The following CHMP5 variants were observed in gnomAD, a reference collection of about 807,000 sequenced individuals.
CHMP5 encodes SNF7 domain containing 2.
Under a neutral mutation model 33.0 loss-of-function variants are expected in CHMP5, and 17 were observed. That is an observed-to-expected ratio of 0.52 (90% CI 0.35 to 0.77). The LOEUF (loss-of-function observed/expected upper bound fraction) is 0.77, where lower values mean the gene tolerates loss of function less well. Among genes scored for constraint, CHMP5 ranks in the 30% least tolerant of loss-of-function variants. CHMP5 has a pLI of 0.01. For missense variants in CHMP5, 216 were observed against 261.5 expected, an observed-to-expected ratio of 0.83 and a Z score of 1.20; for synonymous variants, 76 against 90.2, an observed-to-expected ratio of 0.84 and a Z score of 0.89.
chr9:33,277,190 C>CAAAAA (rs59657807), intron 6 of CHMP5, among the ~76,000 whole-genome samples: 132 of 52,712 alleles, frequency 2.5e-3, no homozygotes, highest in East Asian at 4.2e-3. Flanking sequence ...GACCTTCTCT[C>CAAAAA]AAAAAAAAAA....
intron 5 of CHMP5, among the ~76,000 whole-genome samples, chr9:33,271,581 A>G (rs1820795199): frequency 6.6e-6 from 1 of 152,206 alleles, no homozygotes; most frequent in African/African-American, 2.4e-5. Context: ...GATACTCAAC[A>G]CTTTATTATG....
chr9:33,275,266 C>G (rs1820839364), intron 5 of CHMP5, among the ~76,000 whole-genome samples: 1 of 152,172 alleles, frequency 6.6e-6, no homozygotes, highest in African/African-American at 2.4e-5. Context: ...AGACAGACAT[C>G]CTGGAACCAA....
Position 33,278,174 on chromosome 9 carries a change from A to G in CHMP5, c.558A>G (p.Ala186=), listed in dbSNP as rs1820877566. 1.9e-6 allele frequency: 3 copies of G among 1,613,478 alleles called. No individual in the cohort carries two copies. The highest frequency in any genetic ancestry group is 1.1e-5 in the South Asian group (1 of 90,940). The change falls in exon 7 of 8, where the codon GCA becomes GCG. Residue 186 remains alanine (A), a synonymous_variant. Coordinates refer to ENST00000223500, the MANE Select transcript of CHMP5 (RefSeq NM_016410.6). ...AAGACAGTTCTTATTTGGATGAGGCAGCATCTGCACCTGCAATTCCAGAAG... is the reference window on the plus strand; with the variant it reads ...AAGACAGTTCTTATTTGGATGAGGCGGCATCTGCACCTGCAATTCCAGAAG... The part of the protein sequence containing the change: ...ADEDSSYLDE[A]ASAPAIPEGV...
chr9:33,268,631 A>G (rs1820756732), intron 3 of CHMP5, among the ~76,000 whole-genome samples: 1 of 152,238 alleles, frequency 6.6e-6, no homozygotes, highest in Admixed American at 6.5e-5. Context: ...AGAAATTGTA[A>G]TGCCTAGACT....
At chr9:33,267,789 G>A in intron 2 of CHMP5, 64 bp from the exon 3 acceptor site, 1 of 1,093,412 alleles carries the variant, frequency 9.1e-7, no homozygotes, top group Non-Finnish European at 1.4e-6. Flanking sequence ...GAGGCTATGG[G>A]AAATTTCTTT....
chr9:33,267,937 A>G, intron 3 of CHMP5, 38 bp downstream of exon 3: 1 of 1,429,980 alleles, frequency 7.0e-7, no homozygotes, highest in Non-Finnish European at 9.9e-7. Context: ...TAGCAGGTTT[A>G]ACTAAAAGAG....
intron 5 of CHMP5, among the ~76,000 whole-genome samples, chr9:33,272,647 A>G (rs1159554453): frequency 6.6e-6 from 1 of 152,036 alleles, no homozygotes; most frequent in African/African-American, 2.4e-5. Context: ...TACCAAAAAT[A>G]CAAAAAATTA....
intron 6 of CHMP5, among the ~76,000 whole-genome samples, chr9:33,277,463 C>T (rs1564088055): frequency 6.6e-6 from 1 of 151,992 alleles, no homozygotes; most frequent in Non-Finnish European, 1.5e-5. Context: ...GGCATGGGAC[C>T]TGAAGGGTGA....
Position 33,270,735 on chromosome 9 carries a change from T to G in CHMP5, c.315+19T>G. On this transcript the variant is annotated intron_variant, in intron 4 of 7. Transcript: ENST00000223500. ...GACCACGGTACTCCCAAAACACCTT[T>G]TCCTGTTATTTCATGTATTTATTCT... The G allele has an allele frequency of 6.5e-7, 1 of 1,537,668 alleles. No homozygotes were observed. Among genetic ancestry groups the G allele is most frequent in the Non-Finnish European group, 9.0e-7 (1 of 1,111,786 alleles).
At chr9:33,266,589 C>T (rs1344063044) in intron 2 of CHMP5, among the ~76,000 whole-genome samples, 1 of 152,058 alleles carries the variant, frequency 6.6e-6, no homozygotes, top group South Asian at 2.1e-4. Flanking sequence ...GGAGAGTTTG[C>T]AATCAAATAT....
At chr9:33,277,885 G>T (rs769099454) in intron 6 of CHMP5, 8 of 377,490 alleles carry the variant, frequency 2.1e-5, no homozygotes, top group South Asian at 7.4e-5. Context: ...ATCTTCAATT[G>T]CCCCTGATAA....
At chr9:33,277,190 CAAAAA>C (rs59657807) in intron 6 of CHMP5, among the ~76,000 whole-genome samples, 6 of 53,376 alleles carry the variant, frequency 1.1e-4, no homozygotes, top group Non-Finnish European at 1.6e-4. Context: ...GACCTTCTCT[CAAAAA>C]AAAAAAAAAA....
rs2118014497 is a variant in CHMP5 at position 33,267,856 on chromosome 9, A to G, written c.178A>G (p.Met60Val). 1 of 1,608,550 alleles carries G rather than the reference A, an allele frequency of 6.2e-7. No individual in the cohort carries two copies. The highest frequency in any genetic ancestry group is 1.1e-5 in the South Asian group (1 of 90,946). The stretch of plus-strand genomic sequence containing the variant: ...TTAAATCTGTTTTTCTCTCCAGAAT[A>G]TGGTCAAGCAGAAAGCCTTGCGAGT... ...KKMREGPAKN[M>V]VKQKALRVLK... Residue 60 changes from methionine (M) to valine (V), a missense_variant, in exon 3 of 8, where the codon ATG becomes GTG. Transcript: ENST00000223500.
chr9:33,271,309 G>A, intron 5 of CHMP5, 86 bp downstream of exon 5: 2 of 1,057,488 alleles, frequency 1.9e-6, no homozygotes, highest in Non-Finnish European at 2.9e-6. Context: ...AAGAGCACAG[G>A]AGAGGAACTG....
At chr9:33,265,703 T>C (rs1032660760) in intron 1 of CHMP5, among the ~76,000 whole-genome samples, 1 of 152,234 alleles carries the variant, frequency 6.6e-6, no homozygotes, top group African/African-American at 2.4e-5. Flanking sequence ...GGAGGAACTC[T>C]CAGCCTGGCT....
intron 6 of CHMP5, among the ~76,000 whole-genome samples, chr9:33,277,251 T>C (rs1056007125): frequency 2.0e-5 from 3 of 150,872 alleles, no homozygotes; most frequent in African/African-American, 4.9e-5. Context: ...ATCTACTCTA[T>C]GCCAGGTACT....
At chr9:33,270,765 C>A in intron 4 of CHMP5, 49 bp downstream of exon 4, 1 of 1,435,088 alleles carries the variant, frequency 7.0e-7, no homozygotes. Flanking sequence ...TATTCTTATT[C>A]TCTTTTCCGA....
At chr9:33,272,088 T>G (rs985677877) in intron 5 of CHMP5, among the ~76,000 whole-genome samples, 2 of 152,150 alleles carry the variant, frequency 1.3e-5, no homozygotes, top group Admixed American at 6.5e-5. Context: ...GGAATTGGGT[T>G]TTGACCAGGG....
At chr9:33,273,011 C>T (rs189836741) in intron 5 of CHMP5, among the ~76,000 whole-genome samples, 147 of 152,296 alleles carry the variant, frequency 9.7e-4, no homozygotes, top group African/African-American at 2.9e-3. Context: ...CTCGTTCTGT[C>T]ACCAAGGCTG....
Sources: gnomAD v4.1 joint callset for allele counts (sites outside exome capture counted in the v4.1 genomes callset) on GRCh38, gnomAD v4.1.1 for gene constraint, MANE v1.5 for transcripts, NCBI Gene and HGNC (gene_info 2026-07-23, HGNC 2026-07-21) for gene names.